The following PDE8B variants were observed in gnomAD, a reference collection of about 807,000 sequenced individuals.
PDE8B encodes the protein high affinity cAMP-specific and IBMX-insensitive 3',5'-cyclic phosphodiesterase 8B.
Under a neutral mutation model 101.3 loss-of-function variants are expected in PDE8B, and 26 were observed. The observed-to-expected ratio is 0.26, with a 90% CI of 0.19 to 0.36. PDE8B has a LOEUF of 0.36. PDE8B is among the 10% of genes least tolerant of loss of function. The pLI is 1.00. For missense variants in PDE8B, 810 were observed against 1,163.1 expected (o/e 0.70, Z 4.42); for synonymous variants, 424 against 429.3 (o/e 0.99, Z 0.15).
At chr5:77,331,490 G>A in intron 5 of PDE8B, 31 bp downstream of exon 5, 1 of 1,558,858 alleles carries the variant, frequency 6.4e-7, no homozygotes, top group Non-Finnish European at 8.8e-7. Context: ...ATCTCTCTCA[G>A]TTGCAGGCAC....
the PDE8B span, chr5:77,098,661 AG>A: frequency 6.6e-6 from 1 of 152,242 alleles, no homozygotes; most frequent in Non-Finnish European, 1.5e-5. Flanking sequence ...ACAGAACACC[AG>A]AGACTGGGTA....
chr5:77,372,654 A>G (rs929735069), intron 10 of PDE8B, among the ~76,000 whole-genome samples: 1 of 152,228 alleles, frequency 6.6e-6, no homozygotes, highest in South Asian at 2.1e-4. Flanking sequence ...GGTGAGTTGT[A>G]GTTTTCAGAG....
rs566107830 is a variant in PDE8B at position 77,427,524 on chromosome 5, G to GAT, written c.*972_*973dup. The GAT allele has an allele frequency of 1.2e-3, 190 of 152,264 alleles. No homozygotes were observed. Among genetic ancestry groups the GAT allele is most frequent in the African/African-American group, 4.4e-3 (184 of 41,536 alleles). 9.4% of individuals were successfully genotyped at this position (152,264 alleles called of 1,614,324 possible). ...ATCTATACGTAATATTTTGGGAGGGGATAGGGGAAGTTTCAAGGTTCAGAT... is the reference window on the plus strand; with the variant it reads ...ATCTATACGTAATATTTTGGGAGGGGATATAGGGGAAGTTTCAAGGTTCAGAT... On this transcript the variant is annotated 3_prime_UTR_variant, in exon 22 of 22. Transcript: ENST00000264917.
chr5:77,371,460 T>C (rs1297383040), intron 10 of PDE8B, among the ~76,000 whole-genome samples: 1 of 152,238 alleles, frequency 6.6e-6, no homozygotes, highest in African/African-American at 2.4e-5. Flanking sequence ...TTTGCATTGA[T>C]CTATTGGTCA....
At chr5:77,406,612 T>A (rs1470867420) in intron 12 of PDE8B, among the ~76,000 whole-genome samples, 2 of 152,008 alleles carry the variant, frequency 1.3e-5, no homozygotes, top group African/African-American at 4.8e-5. Flanking sequence ...ACCCCAGAGG[T>A]GGCTGAGCAG....
chr5:77,283,108 CT>C (rs1174031664), intron 1 of PDE8B, among the ~76,000 whole-genome samples: 6 of 152,088 alleles, frequency 3.9e-5, no homozygotes, highest in African/African-American at 1.4e-4. Context: ...AGCTTTACGT[CT>C]TTTACATTAT....
chr5:77,179,565 T>C, the PDE8B span, among the ~76,000 whole-genome samples: 1 of 152,212 alleles, frequency 6.6e-6, no homozygotes, highest in African/African-American at 2.4e-5. Context: ...GAAAGCTTCA[T>C]AGTGTCTGCT....
chr5:77,405,166 T>C (rs1793168364), intron 12 of PDE8B, among the ~76,000 whole-genome samples: 1 of 152,234 alleles, frequency 6.6e-6, no homozygotes, highest in Admixed American at 6.5e-5. Flanking sequence ...TAGTTTTCAG[T>C]GTACCAGCTA....
intron 2 of PDE8B, among the ~76,000 whole-genome samples, chr5:77,313,648 G>A (rs146155084): frequency 2.6e-5 from 4 of 152,268 alleles, no homozygotes; most frequent in African/African-American, 9.6e-5. Flanking sequence ...GTTGTCAAAT[G>A]TTAAAATATT....
intron 10 of PDE8B, among the ~76,000 whole-genome samples, chr5:77,394,218 G>A (rs1438126816): frequency 1.3e-5 from 2 of 152,172 alleles, no homozygotes; most frequent in Non-Finnish European, 2.9e-5. Flanking sequence ...CGTTCATCAT[G>A]GAACGGCCAT....
chr5:77,120,377 C>T, the PDE8B span, among the ~76,000 whole-genome samples: 3 of 152,154 alleles, frequency 2.0e-5, no homozygotes, highest in Non-Finnish European at 4.4e-5. Context: ...CTGAATGGTA[C>T]ACTTACAAGT....
At chr5:77,157,774 T>C in the PDE8B span, among the ~76,000 whole-genome samples, 1 of 152,248 alleles carries the variant, frequency 6.6e-6, no homozygotes, top group African/African-American at 2.4e-5. Flanking sequence ...ACCAAAACTC[T>C]GACCTGTCCC....
intron 1 of PDE8B, among the ~76,000 whole-genome samples, chr5:77,265,960 A>C (rs537829341): frequency 2.0e-5 from 3 of 152,234 alleles, no homozygotes; most frequent in East Asian, 3.9e-4. Context: ...CTGAAGAGAG[A>C]AGTGTCCTGA....
At chr5:77,296,719 G>T (rs1768663028) in intron 1 of PDE8B, among the ~76,000 whole-genome samples, 1 of 152,190 alleles carries the variant, frequency 6.6e-6, no homozygotes, top group African/African-American at 2.4e-5. Context: ...TGATTGTGGT[G>T]AGTTATGTAA....
At chr5:77,380,483 A>G (rs904178839) in intron 10 of PDE8B, among the ~76,000 whole-genome samples, 3 of 152,228 alleles carry the variant, frequency 2.0e-5, no homozygotes, top group Admixed American at 6.5e-5. Context: ...TGTATTTTAA[A>G]TGGACATTTC....
intron 11 of PDE8B, among the ~76,000 whole-genome samples, chr5:77,403,593 A>T (rs1220379153): frequency 2.6e-5 from 4 of 152,128 alleles, no homozygotes; most frequent in Admixed American, 2.6e-4. Context: ...ACTATTATTT[A>T]TAGATAATTT....
chr5:77,164,589 A>C, the PDE8B span, among the ~76,000 whole-genome samples: 1 of 152,148 alleles, frequency 6.6e-6, no homozygotes, highest in Non-Finnish European at 1.5e-5. Flanking sequence ...AATGGTGAAA[A>C]GAGAAGGTAG....
intron 13 of PDE8B, among the ~76,000 whole-genome samples, chr5:77,407,708 ACT>A (rs1344688383): frequency 6.6e-6 from 1 of 152,080 alleles, no homozygotes; most frequent in Non-Finnish European, 1.5e-5. Flanking sequence ...GGTCAGGGAA[ACT>A]CTCAGTCATG....
the PDE8B span, among the ~76,000 whole-genome samples, chr5:77,183,445 G>A: frequency 6.6e-6 from 1 of 152,142 alleles, no homozygotes; most frequent in Non-Finnish European, 1.5e-5. Context: ...TTTTACAAAT[G>A]GGAGAGCTGA....
Sources: gnomAD v4.1 joint callset for allele counts (sites outside exome capture counted in the v4.1 genomes callset) on GRCh38, gnomAD v4.1.1 for gene constraint, MANE v1.5 for transcripts, NCBI Gene and HGNC (gene_info 2026-07-23, HGNC 2026-07-21) for gene names.